Variants in FCHSD2 observed in about 807,000 individuals in gnomAD.
FCHSD2 encodes the protein FCH and double SH3 domains 2, also known as F-BAR and double SH3 domains protein 2.
A neutral mutation model predicts 108.1 loss-of-function variants in FCHSD2; 38 were observed. The observed-to-expected ratio is 0.35, with a 90% CI of 0.27 to 0.46. The LOEUF (loss-of-function observed/expected upper bound fraction) is 0.46, where lower values mean the gene tolerates loss of function less well. Among genes scored for constraint, FCHSD2 ranks in the 20% least tolerant of loss-of-function variants. FCHSD2 has a pLI of 1.00. For missense variants in FCHSD2, 751 were observed against 897.8 expected (o/e 0.84, Z 2.09); for synonymous variants, 279 against 314.7 (o/e 0.89, Z 1.20).
chr11:72,956,698 T>C (rs1856717068), intron 8 of FCHSD2, among the ~76,000 whole-genome samples: 1 of 152,074 alleles, frequency 6.6e-6, no homozygotes, highest in African/African-American at 2.4e-5. Context: ...TTTGCCCTCA[T>C]GACTTAATCA....
chr11:73,122,185 A>C (rs534874131), intron 2 of FCHSD2, among the ~76,000 whole-genome samples: 1 of 152,212 alleles, frequency 6.6e-6, no homozygotes, highest in Non-Finnish European at 1.5e-5. Context: ...GGCAAAAAAA[A>C]AAAATGTAGC....
chr11:73,003,155 A>C (rs1857660890), intron 4 of FCHSD2, among the ~76,000 whole-genome samples: 1 of 152,238 alleles, frequency 6.6e-6, no homozygotes, highest in Non-Finnish European at 1.5e-5. Flanking sequence ...TGAAAAGCAC[A>C]GAATTCAGTC....
At chr11:73,062,115 C>A (rs933402986) in intron 3 of FCHSD2, among the ~76,000 whole-genome samples, 1 of 152,114 alleles carries the variant, frequency 6.6e-6, no homozygotes, top group African/African-American at 2.4e-5. Context: ...GAGGAAAGAT[C>A]GGCAGCAATC....
chr11:73,058,598 T>C (rs868458401), intron 3 of FCHSD2, among the ~76,000 whole-genome samples: 31 of 138,552 alleles, frequency 2.2e-4, no homozygotes, highest in Admixed American at 1.9e-3. Context: ...TTCATTTTCC[T>C]TTTTTTTTTT....
At chr11:73,073,855 T>C (rs1859487982) in intron 3 of FCHSD2, among the ~76,000 whole-genome samples, 1 of 152,128 alleles carries the variant, frequency 6.6e-6, no homozygotes, top group Non-Finnish European at 1.5e-5. Flanking sequence ...TTTTTGAGCA[T>C]TGCTGTAATC....
At chr11:72,958,905 A>G (rs1856766080) in intron 8 of FCHSD2, among the ~76,000 whole-genome samples, 1 of 152,180 alleles carries the variant, frequency 6.6e-6, no homozygotes, top group Admixed American at 6.5e-5. Context: ...CCATCTATGG[A>G]AACAGAAGCA....
intron 2 of FCHSD2, among the ~76,000 whole-genome samples, chr11:73,131,659 G>A (rs550985909): frequency 2.0e-5 from 3 of 150,178 alleles, no homozygotes; most frequent in Non-Finnish European, 1.5e-5. Flanking sequence ...AGCCAAGATC[G>A]CACCACTGCA....
intron 3 of FCHSD2, among the ~76,000 whole-genome samples, chr11:73,020,941 C>T (rs1221694245): frequency 6.6e-6 from 1 of 152,126 alleles, no homozygotes; most frequent in Non-Finnish European, 1.5e-5. Context: ...GTGGCATGAT[C>T]ATAGCTCACT....
chr11:72,873,857 G>C (rs1565299712), intron 12 of FCHSD2, among the ~76,000 whole-genome samples: 1 of 152,076 alleles, frequency 6.6e-6, no homozygotes, highest in Non-Finnish European at 1.5e-5. Flanking sequence ...CAGTATAAAT[G>C]GTAAAACAAA....
At chr11:72,957,045 T>TA (rs1565341126) in intron 8 of FCHSD2, among the ~76,000 whole-genome samples, 3 of 151,644 alleles carry the variant, frequency 2.0e-5, no homozygotes, top group Admixed American at 1.3e-4. Flanking sequence ...TCTTTTTTTT[T>TA]ATTATACTTT....
At chr11:73,113,915 C>G (rs1250099548) in intron 2 of FCHSD2, among the ~76,000 whole-genome samples, 4 of 152,114 alleles carry the variant, frequency 2.6e-5, no homozygotes, top group Non-Finnish European at 5.9e-5. Context: ...GATTCTTGTT[C>G]TCTTTCCTTA....
At chr11:73,106,941 C>T (rs1430008539) in intron 2 of FCHSD2, among the ~76,000 whole-genome samples, 1 of 152,082 alleles carries the variant, frequency 6.6e-6, no homozygotes, top group African/African-American at 2.4e-5. Flanking sequence ...CAACACATAC[C>T]TGTATTGTGG....
chr11:73,136,855 C>A (rs1254823156), intron 2 of FCHSD2, among the ~76,000 whole-genome samples: 1 of 152,062 alleles, frequency 6.6e-6, no homozygotes, highest in Non-Finnish European at 1.5e-5. Flanking sequence ...CATGGTGAAA[C>A]CCAGTCTCTA....
intron 8 of FCHSD2, among the ~76,000 whole-genome samples, chr11:72,969,627 G>GA (rs1438193908): frequency 2.0e-5 from 3 of 152,060 alleles, no homozygotes; most frequent in African/African-American, 7.2e-5. Flanking sequence ...TAAAAGACTA[G>GA]AAAAAAGCCC....
chr11:72,940,642 C>T (rs955112441), intron 8 of FCHSD2: 133 of 1,444,440 alleles, frequency 9.2e-5, no homozygotes, highest in Middle Eastern at 6.2e-4. Context: ...TGATAAAGCG[C>T]GCCGACCAGG....
chr11:72,980,673 G>GTGTA (rs1371579911), intron 8 of FCHSD2, among the ~76,000 whole-genome samples: 1 of 93,924 alleles, frequency 1.1e-5, no homozygotes, highest in Non-Finnish European at 2.3e-5. Flanking sequence ...ATGTGTGTGT[G>GTGTA]TGTATATATA....
chr11:72,862,939 T>C (rs1039141072), intron 13 of FCHSD2, among the ~76,000 whole-genome samples: 4 of 152,188 alleles, frequency 2.6e-5, no homozygotes, highest in Non-Finnish European at 4.4e-5. Flanking sequence ...ATTAATTTTT[T>C]TTTTAAAGAG....
At chr11:73,070,445 A>G (rs1450657403) in intron 3 of FCHSD2, among the ~76,000 whole-genome samples, 1 of 152,084 alleles carries the variant, frequency 6.6e-6, no homozygotes, top group Non-Finnish European at 1.5e-5. Flanking sequence ...TATTTTTGAG[A>G]TACAGTCTCG....
intron 2 of FCHSD2, among the ~76,000 whole-genome samples, chr11:73,128,818 C>T (rs886822111): frequency 2.0e-5 from 3 of 152,186 alleles, no homozygotes; most frequent in Non-Finnish European, 4.4e-5. Context: ...ATTAATTTCA[C>T]GTTTCAACCC....
Sources: gnomAD v4.1 joint callset for allele counts (sites outside exome capture counted in the v4.1 genomes callset) on GRCh38, gnomAD v4.1.1 for gene constraint, MANE v1.5 for transcripts, NCBI Gene and HGNC (gene_info 2026-07-23, HGNC 2026-07-21) for gene names.